Variants in PRKG1 observed in about 807,000 individuals in gnomAD.
The protein encoded by PRKG1 is cGMP-dependent protein kinase 1.
In PRKG1, 35 loss-of-function variants were observed where a neutral mutation model predicts 88.1. The ratio of observed to expected loss-of-function variants is 0.40; its 90% CI spans 0.30 to 0.53. The LOEUF is 0.53. Ranked by LOEUF, PRKG1 falls within the 20% of genes least tolerant of loss-of-function variation. PRKG1 has a pLI of 0.59. For synonymous variants in PRKG1, 303 were observed against 292.5 expected (o/e 1.04, Z -0.37); for missense variants, 540 against 839.8 (o/e 0.64, Z 4.41).
At chr10:52,139,207 A>C (rs1837507727) in intron 8 of PRKG1, among the ~76,000 whole-genome samples, 1 of 152,148 alleles carries the variant, frequency 6.6e-6, no homozygotes, top group Non-Finnish European at 1.5e-5. Flanking sequence ...ACACAAATTC[A>C]AAATAGGTTT....
At chr10:51,111,537 T>A (rs1844979769) in intron 1 of PRKG1, among the ~76,000 whole-genome samples, 1 of 152,174 alleles carries the variant, frequency 6.6e-6, no homozygotes, top group Non-Finnish European at 1.5e-5. Flanking sequence ...GAAGTAAGGA[T>A]GGAAAGATGA....
chr10:51,880,785 C>T (rs1423165654), intron 4 of PRKG1, among the ~76,000 whole-genome samples: 1 of 152,140 alleles, frequency 6.6e-6, no homozygotes, highest in Non-Finnish European at 1.5e-5. Context: ...AGGCAAGAGA[C>T]ACAGTTTTGC....
At chr10:51,877,808 G>A (rs946935331) in intron 4 of PRKG1, among the ~76,000 whole-genome samples, 1 of 152,190 alleles carries the variant, frequency 6.6e-6, no homozygotes, top group African/African-American at 2.4e-5. Context: ...ATAATTTGAA[G>A]TATATTCTCT....
At chr10:51,919,784 ATT>A (rs1474174881) in intron 5 of PRKG1, among the ~76,000 whole-genome samples, 1 of 151,796 alleles carries the variant, frequency 6.6e-6, no homozygotes, top group Non-Finnish European at 1.5e-5. Context: ...TTGATCCTAT[ATT>A]GCCTGGAACT....
intron 7 of PRKG1, among the ~76,000 whole-genome samples, chr10:52,131,797 A>G (rs11598071): frequency 0.32 from 44,356 of 136,866 alleles, 7,645 homozygotes; most frequent in African/African-American, 0.41. Context: ...CAGCGTGGGC[A>G]ACAAGAGCGA....
chr10:52,036,053 A>C (rs1462726497), intron 5 of PRKG1, among the ~76,000 whole-genome samples: 3 of 152,142 alleles, frequency 2.0e-5, no homozygotes, highest in African/African-American at 7.2e-5. Flanking sequence ...GTGTGTTTTT[A>C]TGAGAATTAT....
chr10:51,812,447 C>T lies in PRKG1; in HGVS notation c.698+7757C>T, dbSNP rs146345242. Among the ~76,000 whole-genome samples, 655 of 152,236 alleles carry T rather than the reference C, an allele frequency of 4.3e-3. 10 individuals are homozygous for T. The highest frequency in any genetic ancestry group is 0.015 in the African/African-American group (605 of 41,536). On this transcript the variant is annotated intron_variant, in intron 4 of 17. Transcript: ENST00000373980. ...GAAGAATCGGGCCCTTTTTGTTGAC[C>T]AATGCCAGCTGCAGGCATTGCAGTT... is the stretch of plus-strand genomic sequence containing the variant.
chr10:51,443,640 T>A (rs1839184632), intron 2 of PRKG1, among the ~76,000 whole-genome samples: 1 of 152,046 alleles, frequency 6.6e-6, no homozygotes. Context: ...AAATGTGGAC[T>A]TTATTGTTTT....
intron 13 of PRKG1, among the ~76,000 whole-genome samples, chr10:52,281,369 T>C (rs546390011): frequency 6.0e-4 from 92 of 152,264 alleles, no homozygotes; most frequent in African/African-American, 2.0e-3. Context: ...ATAGTAATAA[T>C]AATAATGGTC....
intron 5 of PRKG1, among the ~76,000 whole-genome samples, chr10:51,980,683 T>C (rs541644912): frequency 2.6e-5 from 4 of 152,344 alleles, no homozygotes; most frequent in African/African-American, 9.6e-5. Flanking sequence ...GGCATGTATA[T>C]ATTTAGGATA....
chr10:51,393,231 G>T (rs1403864458), intron 2 of PRKG1, among the ~76,000 whole-genome samples: 1 of 150,586 alleles, frequency 6.6e-6, no homozygotes, highest in Non-Finnish European at 1.5e-5. Context: ...CAGGGCGGCG[G>T]GGCAGAGATG....
At chr10:51,770,452 A>G (rs1411772509) in intron 3 of PRKG1, among the ~76,000 whole-genome samples, 2 of 152,210 alleles carry the variant, frequency 1.3e-5, no homozygotes, top group Non-Finnish European at 2.9e-5. Flanking sequence ...TAGGTTCTCA[A>G]CATTTTGTCT....
intron 3 of PRKG1, among the ~76,000 whole-genome samples, chr10:51,633,357 C>G (rs531413205): frequency 6.6e-6 from 1 of 152,006 alleles, no homozygotes; most frequent in East Asian, 1.9e-4. Context: ...AAATTTTCAC[C>G]CTTTCTAACA....
In PRKG1 at chr10:51,883,401, A is replaced by G. The variant is rs114875323; in HGVS notation, c.699-24106A>G. ...AAATATAGATAGATGATATAGATAT[A>G]GATCCTATTAGTTCTGTTTATCTTG... On this transcript the variant is annotated intron_variant, in intron 4 of 17. Transcript: ENST00000373980. 2.5e-3 allele frequency among the ~76,000 whole-genome samples: 385 copies of G among 152,358 alleles called. 5 individuals carry two copies. Among genetic ancestry groups the G allele is most frequent in the African/African-American group, 8.6e-3 (357 of 41,584 alleles).
intron 5 of PRKG1, among the ~76,000 whole-genome samples, chr10:52,008,417 C>T (rs1844794752): frequency 6.6e-6 from 1 of 151,916 alleles, no homozygotes; most frequent in Non-Finnish European, 1.5e-5. Flanking sequence ...TTCAAATAAG[C>T]ACCATTAGAA....
chr10:51,258,307 C>T (rs1445053693), intron 2 of PRKG1, among the ~76,000 whole-genome samples: 1 of 152,086 alleles, frequency 6.6e-6, no homozygotes, highest in Non-Finnish European at 1.5e-5. Context: ...GCTACTTTTA[C>T]CATTCTTATG....
intron 3 of PRKG1, among the ~76,000 whole-genome samples, chr10:51,581,848 G>T (rs146803803): frequency 1.7e-3 from 251 of 150,416 alleles, no homozygotes; most frequent in African/African-American, 5.5e-3. Flanking sequence ...TTATTCCATA[G>T]CAATAGTTTC....
chr10:51,619,843 G>A (rs1244348517), intron 3 of PRKG1, among the ~76,000 whole-genome samples: 3 of 152,136 alleles, frequency 2.0e-5, no homozygotes, highest in Non-Finnish European at 2.9e-5. Flanking sequence ...TCCAAGGAAA[G>A]GGAAGAGAAG....
At chr10:51,423,299 A>T (rs141444606) in intron 2 of PRKG1, among the ~76,000 whole-genome samples, 2 of 152,346 alleles carry the variant, frequency 1.3e-5, no homozygotes, top group Admixed American at 1.3e-4. Flanking sequence ...TTTCACATTG[A>T]GAATATAAAT....
Sources: gnomAD v4.1 joint callset for allele counts (sites outside exome capture counted in the v4.1 genomes callset) on GRCh38, gnomAD v4.1.1 for gene constraint, MANE v1.5 for transcripts, NCBI Gene and HGNC (gene_info 2026-07-23, HGNC 2026-07-21) for gene names.